Variants in CWC27 observed in about 807,000 individuals in gnomAD.
CWC27 encodes CWC27 spliceosome associated cyclophilin, also known as spliceosome-associated protein CWC27 homolog.
CWC27 carries 47 observed loss-of-function variants against 63.6 expected under a neutral mutation model. The observed-to-expected ratio is 0.74, with a 90% confidence interval of 0.58 to 0.94. The LOEUF (loss-of-function observed/expected upper bound fraction) is 0.94. CWC27 is among the 40% of genes least tolerant of loss of function. The pLI, the probability that CWC27 is intolerant of heterozygous loss-of-function variation, is 0.00. For missense variants in CWC27, 495 were observed against 554.3 expected (o/e 0.89, Z 1.07); for synonymous variants, 175 against 179.8 (o/e 0.97, Z 0.22).
intron 13 of CWC27, among the ~76,000 whole-genome samples, chr5:65,004,076 C>T (rs1749783150): frequency 6.6e-6 from 1 of 152,160 alleles, no homozygotes; most frequent in African/African-American, 2.4e-5. Flanking sequence ...AATTCCTGGT[C>T]TCAAGTGATC....
chr5:64,917,149 G>A (rs995231464), intron 11 of CWC27, among the ~76,000 whole-genome samples: 8 of 152,056 alleles, frequency 5.3e-5, no homozygotes, highest in African/African-American at 1.7e-4. Context: ...ACTATATGAT[G>A]GGCTGGGAGA....
At chr5:64,801,087 G>A (rs1017719220) in intron 8 of CWC27, among the ~76,000 whole-genome samples, 1 of 151,952 alleles carries the variant, frequency 6.6e-6, no homozygotes, top group African/African-American at 2.4e-5. Flanking sequence ...TCTAGTGAAC[G>A]CATATATTTG....
At chr5:65,002,968 G>A (rs1186750025) in intron 13 of CWC27, among the ~76,000 whole-genome samples, 6 of 152,164 alleles carry the variant, frequency 3.9e-5, no homozygotes, top group East Asian at 3.9e-4. Context: ...CTGGGTGCTC[G>A]AATGTTGGGT....
intron 10 of CWC27, among the ~76,000 whole-genome samples, chr5:64,875,416 T>C (rs1746772621): frequency 6.6e-6 from 1 of 152,146 alleles, no homozygotes; most frequent in Non-Finnish European, 1.5e-5. Context: ...AGCTCTCAGA[T>C]TAAATGTTAT....
chr5:64,785,377 T>C, intron 4 of CWC27, 104 bp from the exon 5 acceptor site: 1 of 522,274 alleles, frequency 1.9e-6, no homozygotes, highest in East Asian at 3.3e-5. Context: ...TGTAATCACA[T>C]GAAATTTTCT....
At chr5:64,817,190 T>A (rs1745062132) in intron 10 of CWC27, among the ~76,000 whole-genome samples, 1 of 152,156 alleles carries the variant, frequency 6.6e-6, no homozygotes, top group Admixed American at 6.6e-5. Flanking sequence ...CACTTCTAGT[T>A]ACCTCAGCAT....
chr5:64,851,146 T>G (rs1746124928), intron 10 of CWC27, among the ~76,000 whole-genome samples: 1 of 152,234 alleles, frequency 6.6e-6, no homozygotes, highest in East Asian at 1.9e-4. Flanking sequence ...GGACTCAACT[T>G]AAGTGTCCAT....
At chr5:64,864,941 A>G (rs1746499068) in intron 10 of CWC27, among the ~76,000 whole-genome samples, 1 of 152,124 alleles carries the variant, frequency 6.6e-6, no homozygotes, top group African/African-American at 2.4e-5. Context: ...ACAATGCATT[A>G]TTATTAACCA....
At chr5:64,787,227 TG>T (rs1159275228) in intron 6 of CWC27, among the ~76,000 whole-genome samples, 4 of 27,844 alleles carry the variant, frequency 1.4e-4, no homozygotes, top group Admixed American at 2.6e-4. Context: ...TTAGTGGTTT[TG>T]TTTGTTTGTT....
intron 10 of CWC27, among the ~76,000 whole-genome samples, chr5:64,836,965 A>C (rs1383002618): frequency 6.6e-6 from 1 of 152,066 alleles, no homozygotes; most frequent in Non-Finnish European, 1.5e-5. Context: ...ATAAATGAGA[A>C]ACTAAGATTT....
chr5:64,851,880 T>C (rs1399812902), intron 10 of CWC27, among the ~76,000 whole-genome samples: 1 of 152,198 alleles, frequency 6.6e-6, no homozygotes, highest in Non-Finnish European at 1.5e-5. Context: ...AAGTTAACTA[T>C]ATTGAATTTA....
chr5:64,824,071 C>T (rs775113215), intron 10 of CWC27, among the ~76,000 whole-genome samples: 5 of 152,110 alleles, frequency 3.3e-5, no homozygotes, highest in Non-Finnish European at 7.4e-5. Context: ...AAAGTTCTAA[C>T]TTTATCTAGC....
At chr5:64,791,310 G>A (rs762984545) in intron 7 of CWC27, among the ~76,000 whole-genome samples, 11 of 152,138 alleles carry the variant, frequency 7.2e-5, no homozygotes, top group Non-Finnish European at 1.5e-4. Flanking sequence ...AATGTTCAAA[G>A]ATTATCTTCC....
At chr5:64,863,653 C>A (rs1037069958) in intron 10 of CWC27, among the ~76,000 whole-genome samples, 2 of 152,056 alleles carry the variant, frequency 1.3e-5, no homozygotes, top group African/African-American at 4.8e-5. Flanking sequence ...CACCATCATG[C>A]CTTGCTACTT....
intron 13 of CWC27, among the ~76,000 whole-genome samples, chr5:65,008,311 C>T (rs564043383): frequency 1.6e-4 from 24 of 152,240 alleles, no homozygotes; most frequent in African/African-American, 5.5e-4. Flanking sequence ...TTAAAAAATA[C>T]ACAAATTTTG....
chr5:65,007,639 T>C (rs899677138), intron 13 of CWC27, among the ~76,000 whole-genome samples: 1 of 150,390 alleles, frequency 6.6e-6, no homozygotes, highest in Admixed American at 6.6e-5. Context: ...TTTTTTTTTT[T>C]TTTTTTGAGA....
At chr5:64,911,362 C>T (rs1016621949) in intron 11 of CWC27, among the ~76,000 whole-genome samples, 1 of 152,116 alleles carries the variant, frequency 6.6e-6, no homozygotes, top group Non-Finnish European at 1.5e-5. Flanking sequence ...TTAACTAAGG[C>T]ATATGGTTTA....
chr5:64,833,318 T>C (rs187756988), intron 10 of CWC27, among the ~76,000 whole-genome samples: 1 of 151,876 alleles, frequency 6.6e-6, no homozygotes, highest in African/African-American at 2.4e-5. Context: ...TCAGATACAG[T>C]TCTTTCTGTA....
rs116581366 is a variant in CWC27, at chr5:64,893,856, G to A, written c.1042+8310G>A. Among the ~76,000 whole-genome samples the A allele has an allele frequency of 3.8e-3, 580 of 151,974 alleles. 2 individuals are homozygous for A. Among genetic ancestry groups the A allele is most frequent in the African/African-American group, 0.012 (500 of 41,436 alleles). On this transcript the variant is annotated intron_variant, in intron 11 of 13. Transcript: ENST00000381070. ...TACTCATTAGAAACTCTGATCTTGC[G>A]TGTGCTCTATTTATATTTGTTACTT...
Sources: gnomAD v4.1 joint callset for allele counts (sites outside exome capture counted in the v4.1 genomes callset) on GRCh38, gnomAD v4.1.1 for gene constraint, MANE v1.5 for transcripts, NCBI Gene and HGNC (gene_info 2026-07-23, HGNC 2026-07-21) for gene names.